CDKAL1: variants seen among roughly 807,000 people sequenced by gnomAD.
The protein encoded by CDKAL1 is threonylcarbamoyladenosine tRNA methylthiotransferase.
Under a neutral mutation model 68.2 loss-of-function variants are expected in CDKAL1, and 32 were observed. The observed-to-expected ratio is 0.47, with a 90% confidence interval of 0.35 to 0.63. The LOEUF (loss-of-function observed/expected upper bound fraction) is 0.63. Among genes scored for constraint, CDKAL1 ranks in the 30% least tolerant of loss-of-function variants. The pLI, the probability that CDKAL1 is intolerant of heterozygous loss-of-function variation, is 0.00. For missense variants in CDKAL1, 606 were observed against 696.7 expected (o/e 0.87, Z 1.47); for synonymous variants, 234 against 244.3 (o/e 0.96, Z 0.39).
chr6:21,153,235 C>CTTTTTTTTTTTTTTTTTTTT (rs1162272560), intron 13 of CDKAL1, among the ~76,000 whole-genome samples: 1 of 96,220 alleles, frequency 1.0e-5, no homozygotes, highest in African/African-American at 3.7e-5. Flanking sequence ...TATGTGATTT[C>CTTTTTTTTTTTTTTTTTTTT]TTTTTTTTTT....
At chr6:20,862,378 G>A (rs1422090084) in intron 9 of CDKAL1, among the ~76,000 whole-genome samples, 1 of 152,152 alleles carries the variant, frequency 6.6e-6, no homozygotes, top group African/African-American at 2.4e-5. Context: ...GTGACCTTAA[G>A]AAAGTTACTT....
rs115176872 is a variant in CDKAL1 at position 20,567,133 on chromosome 6, G to A, written c.286+18428G>A. The stretch of plus-strand genomic sequence containing the variant: ...AAGACATTGACTGACTCAAATATCC[G>A]AAAAACTTGGTAACTTTCAAATTGG... On this transcript the variant is annotated intron_variant, in intron 4 of 15. Transcript: ENST00000274695. Among the ~76,000 whole-genome samples, 1,035 of 151,516 alleles carry A rather than the reference G, an allele frequency of 6.8e-3. 10 individuals are homozygous for A. The highest frequency in any genetic ancestry group is 0.023 in the African/African-American group (943 of 41,390).
At chr6:20,991,133 A>G (rs1218833527) in intron 10 of CDKAL1, among the ~76,000 whole-genome samples, 1 of 152,260 alleles carries the variant, frequency 6.6e-6, no homozygotes, top group Non-Finnish European at 1.5e-5. Flanking sequence ...TAAAAAACAT[A>G]ATATCGTTAC....
At chr6:20,718,566 C>T (rs1772198998) in intron 5 of CDKAL1, among the ~76,000 whole-genome samples, 1 of 152,116 alleles carries the variant, frequency 6.6e-6, no homozygotes, top group African/African-American at 2.4e-5. Flanking sequence ...GAATATATTG[C>T]CTGTTTTCAA....
chr6:20,534,836 A>C (rs1434856207), intron 1 of CDKAL1, among the ~76,000 whole-genome samples: 2 of 152,094 alleles, frequency 1.3e-5, no homozygotes, highest in Non-Finnish European at 2.9e-5. Flanking sequence ...GTTTAACTTC[A>C]TTTGTTCTCC....
chr6:20,548,564 C>CTTTTT, intron 3 of CDKAL1, 29 bp from the exon 4 acceptor site: 1 of 809,572 alleles, frequency 1.2e-6, no homozygotes. Context: ...ATGAAACTTA[C>CTTTTT]TTTTTTTTTT....
chr6:21,201,266 T>C lies in CDKAL1; in HGVS notation c.1540T>C (p.Leu514=), dbSNP rs574081083. The change falls in exon 15 of 16, where the codon TTG becomes CTG. Residue 514 remains leucine, a synonymous_variant. Coordinates refer to ENST00000274695, the MANE Select transcript of CDKAL1 (RefSeq NM_017774.3). The stretch of plus-strand genomic sequence containing the variant: ...GCTAGCAAAGGGAGAAGTCTCGGGT[T>C]TGACAAAGGTAAGTAAAAGATGCTC... ...KPLAKGEVSG[L]TKDFRNGLGN... 2.9e-5 allele frequency: 46 copies of C among 1,604,398 alleles called. No individual in the cohort carries two copies. In the African/African-American group the frequency reaches 3.3e-4, roughly 12 times the overall value.
intron 10 of CDKAL1, among the ~76,000 whole-genome samples, chr6:20,999,874 G>T (rs1253910271): frequency 6.6e-6 from 1 of 152,158 alleles, no homozygotes; most frequent in African/African-American, 2.4e-5. Flanking sequence ...TCCCACAAAT[G>T]TAACAAGGCA....
chr6:20,719,794 C>T (rs1186146920), intron 5 of CDKAL1, among the ~76,000 whole-genome samples: 1 of 152,172 alleles, frequency 6.6e-6, no homozygotes, highest in Non-Finnish European at 1.5e-5. Flanking sequence ...ATGAAACTCA[C>T]AGATCTCTCT....
At chr6:20,881,611 G>T (rs528203365) in intron 9 of CDKAL1, among the ~76,000 whole-genome samples, 1 of 152,156 alleles carries the variant, frequency 6.6e-6, no homozygotes, top group African/African-American at 2.4e-5. Context: ...GATTCTTTGG[G>T]CTTTCTAGGT....
At chr6:20,683,097 G>A (rs1335197143) in intron 5 of CDKAL1, among the ~76,000 whole-genome samples, 1 of 151,980 alleles carries the variant, frequency 6.6e-6, no homozygotes, top group Non-Finnish European at 1.5e-5. Flanking sequence ...TGAGTAGCTG[G>A]AACTACAGGT....
chr6:20,780,405 C>T (rs923720904), intron 7 of CDKAL1, among the ~76,000 whole-genome samples: 12 of 151,692 alleles, frequency 7.9e-5, no homozygotes, highest in African/African-American at 2.9e-4. Flanking sequence ...TGTTTATTTA[C>T]TTGTTTGATT....
At chr6:21,141,965 AT>A (rs1371388479) in intron 13 of CDKAL1, among the ~76,000 whole-genome samples, 4 of 151,974 alleles carry the variant, frequency 2.6e-5, no homozygotes, top group African/African-American at 9.7e-5. Context: ...CTTTAATGCC[AT>A]TTTTTCTAGT....
At chr6:21,149,395 C>G (rs760227210) in intron 13 of CDKAL1, among the ~76,000 whole-genome samples, 9 of 152,280 alleles carry the variant, frequency 5.9e-5, no homozygotes, top group Non-Finnish European at 1.0e-4. Flanking sequence ...ATTTGCCCGC[C>G]TCGGCCTCCC....
chr6:20,889,024 C>T (rs1324414818), intron 9 of CDKAL1, among the ~76,000 whole-genome samples: 1 of 152,208 alleles, frequency 6.6e-6, no homozygotes, highest in Admixed American at 6.5e-5. Context: ...ACATCCTCTC[C>T]AGCACCTGTT....
chr6:20,846,643 C>T (rs1778385933), intron 9 of CDKAL1, among the ~76,000 whole-genome samples: 2 of 152,282 alleles, frequency 1.3e-5, no homozygotes, highest in African/African-American at 4.8e-5. Context: ...GGAGGCCACC[C>T]CTTTTAACCA....
At chr6:20,665,469 G>A (rs1028183461) in intron 5 of CDKAL1, among the ~76,000 whole-genome samples, 2 of 152,110 alleles carry the variant, frequency 1.3e-5, no homozygotes, top group Non-Finnish European at 2.9e-5. Context: ...TCTGATATGT[G>A]TGTAGCCTTA....
chr6:20,578,722 A>C (rs918975097), intron 4 of CDKAL1, among the ~76,000 whole-genome samples: 2 of 152,186 alleles, frequency 1.3e-5, no homozygotes, highest in Admixed American at 1.3e-4. Flanking sequence ...TTGTTTACTT[A>C]ATTCTCTACG....
chr6:20,599,397 C>T (rs9366357), intron 4 of CDKAL1: 160,701 of 449,568 alleles, frequency 0.36, 30,693 homozygotes, highest in East Asian at 0.54. Flanking sequence ...ACGTTTGCTT[C>T]GTCTTCAAAG....
Sources: allele counts gnomAD v4.1 joint callset (sites outside exome capture counted in the v4.1 genomes callset), GRCh38; gene constraint gnomAD v4.1.1; transcripts MANE v1.5; gene names NCBI Gene and HGNC (gene_info 2026-07-23, HGNC 2026-07-21).